The following GIT2 variants were observed in gnomAD, a reference collection of about 807,000 sequenced individuals.
The protein encoded by GIT2 is GIT ArfGAP 2, also known as ARF GTPase-activating protein GIT2.
In GIT2, 32 loss-of-function variants were observed where a neutral mutation model predicts 100.3. That is an observed-to-expected ratio of 0.32 (90% CI 0.24 to 0.43). The LOEUF is 0.43. Ranked by LOEUF, GIT2 falls within the 20% of genes least tolerant of loss-of-function variation. The pLI, the probability that GIT2 is intolerant of heterozygous loss-of-function variation, is 1.00. For missense variants in GIT2, 737 were observed against 975.1 expected (o/e 0.76, Z 3.25); for synonymous variants, 353 against 364.1 (o/e 0.97, Z 0.35).
Position 109,961,306 on chromosome 12 carries a change from T to C in GIT2, c.959A>G (p.Asn320Ser), listed in dbSNP as rs747309666. 6.2e-7 allele frequency: 1 copy of C among 1,612,710 alleles called. No individual in the cohort carries two copies. Among genetic ancestry groups the C allele is most frequent in the African/African-American group, 1.3e-5 (1 of 74,900 alleles). Reference sequence around the variant, plus strand: ...ATTTCGTGTTGATGAGTACTCAGGATTGACCGGAAGAAAGGGGACGACCGT... The same window carrying C: ...ATTTCGTGTTGATGAGTACTCAGGACTGACCGGAAGAAAGGGGACGACCGT... ...ETTVVPFLPVNPEYSSTRNQG... is the reference protein window; with the variant it reads ...ETTVVPFLPVSPEYSSTRNQG... The change falls in exon 11 of 20, where the codon AAT (asparagine) becomes AGT (serine). Residue 320 changes from asparagine (N) to serine (S), a missense_variant. Transcript: ENST00000355312.
chr12:109,944,270 C>T (rs576502848), intron 16 of GIT2, among the ~76,000 whole-genome samples: 3 of 152,352 alleles, frequency 2.0e-5, no homozygotes, highest in Admixed American at 1.3e-4. Flanking sequence ...TCCATAATTC[C>T]TAGGTGTGGA....
intron 7 of GIT2, 83 bp from the exon 8 acceptor site, chr12:109,967,586 C>G: frequency 1.0e-6 from 1 of 965,446 alleles, no homozygotes; most frequent in South Asian, 1.3e-5. Context: ...TTTCCTCAAA[C>G]TAAGTTTTGC....
intron 7 of GIT2, among the ~76,000 whole-genome samples, chr12:109,975,170 G>A (rs1467741329): frequency 6.6e-6 from 1 of 151,984 alleles, no homozygotes; most frequent in South Asian, 2.1e-4. Flanking sequence ...ATTTAAAATG[G>A]GTTTCTTGTA....
chr12:109,952,338 G>A (rs1228684855), intron 13 of GIT2, among the ~76,000 whole-genome samples: 2 of 152,096 alleles, frequency 1.3e-5, no homozygotes, highest in African/African-American at 4.8e-5. Context: ...ACACTCTGGT[G>A]CCGAGGTCTC....
chr12:109,959,115 T>C (rs1212856269), intron 12 of GIT2, among the ~76,000 whole-genome samples: 2 of 151,582 alleles, frequency 1.3e-5, no homozygotes, highest in African/African-American at 2.4e-5. Flanking sequence ...TCACTCAGGC[T>C]GGAGTGCAGT....
chr12:109,996,878 A>T (rs1889507237), upstream of GIT2, among the ~76,000 whole-genome samples: 1 of 151,746 alleles, frequency 6.6e-6, no homozygotes, highest in Non-Finnish European at 1.5e-5. Context: ...GGAGTTCGAG[A>T]CCAGCCTGGG....
At chr12:109,985,912 A>G (rs1887291382) in intron 4 of GIT2, among the ~76,000 whole-genome samples, 1 of 151,830 alleles carries the variant, frequency 6.6e-6, no homozygotes, top group South Asian at 2.1e-4. Flanking sequence ...CATGCCTGAG[A>G]TCTCAGCCAC....
chr12:109,957,429 C>T (rs182632797), intron 12 of GIT2, among the ~76,000 whole-genome samples: 1 of 152,218 alleles, frequency 6.6e-6, no homozygotes, highest in Non-Finnish European at 1.5e-5. Context: ...TTACGAACTA[C>T]CCAGTCTCAG....
intron 7 of GIT2, among the ~76,000 whole-genome samples, chr12:109,979,329 G>A (rs1221262981): frequency 1.4e-5 from 2 of 139,356 alleles, no homozygotes; most frequent in African/African-American, 2.7e-5. Context: ...AGGCTGGAGT[G>A]CAGTGGCGCA....
chr12:109,983,817 G>GTA, intron 4 of GIT2, 123 bp from the exon 5 acceptor site: 1 of 650,138 alleles, frequency 1.5e-6, no homozygotes, highest in Non-Finnish European at 2.7e-6. Context: ...ATTTGTCTCG[G>GTA]TAAAGTGCAT....
At chr12:109,943,405 G>A (rs1302856399) in intron 16 of GIT2, among the ~76,000 whole-genome samples, 1 of 151,856 alleles carries the variant, frequency 6.6e-6, no homozygotes, top group African/African-American at 2.4e-5. Context: ...TCGGCTTACT[G>A]CAACCTCCAC....
chr12:109,984,595 G>A (rs533781676), intron 4 of GIT2, among the ~76,000 whole-genome samples: 42 of 151,164 alleles, frequency 2.8e-4, no homozygotes, highest in African/African-American at 9.7e-4. Flanking sequence ...TACAGGCGCC[G>A]GCCACCATGC....
Position 109,951,356 on chromosome 12 carries a change from C to T in GIT2, c.1243-40G>A, listed in dbSNP as rs148788851. On this transcript the variant is annotated intron_variant, in intron 13 of 19. Coordinates refer to ENST00000355312, the MANE Select transcript of GIT2 (RefSeq NM_057169.5). The stretch of plus-strand genomic sequence containing the variant: ...GGAAAACGTTCACAATCTGAGATGA[C>T]GAGAACATTAAAGACTAACAGCTCA... 390 of 1,539,800 alleles carry T rather than the reference C, an allele frequency of 2.5e-4. 4 individuals are homozygous for T. The Middle Eastern group carries it at 0.011, about 42-fold the overall frequency.
rs552204508 is a variant in GIT2, at chr12:109,962,541, C to T, written c.817-856G>A. Among the ~76,000 whole-genome samples, 10 of 152,282 alleles carry T rather than the reference C, an allele frequency of 6.6e-5. No individual in the cohort carries two copies. In the South Asian group the frequency reaches 2.1e-3, roughly 32 times the overall value. ...CTGACTCTTCAGCACACAACAACCA[C>T]CTCACAGCCTGCAGTGCCTCCCTGG... On this transcript the variant is annotated intron_variant, in intron 9 of 19. Coordinates refer to ENST00000355312, the MANE Select transcript of GIT2 (RefSeq NM_057169.5). This position sits in a 1 kb window ranked among gnomAD's most constrained non-coding sequence, Gnocchi z 4.3.
chr12:109,952,980 C>A (rs2136291165), intron 13 of GIT2, 112 bp downstream of exon 13: 1 of 999,106 alleles, frequency 1.0e-6, no homozygotes, highest in South Asian at 1.6e-5. Context: ...CTTGTTTCAC[C>A]TTTGCTTGGC....
intron 6 of GIT2, chr12:109,983,101 T>C (rs1394228813): frequency 6.2e-6 from 2 of 320,168 alleles, no homozygotes; most frequent in Non-Finnish European, 1.1e-5. Context: ...TTCTTGATAC[T>C]TGATTTGGAA....
At chr12:109,957,016 CAA>C (rs569900190) in intron 12 of GIT2, among the ~76,000 whole-genome samples, 2 of 121,362 alleles carry the variant, frequency 1.6e-5, no homozygotes, top group African/African-American at 3.0e-5. Flanking sequence ...AGACTCGTCT[CAA>C]AAAAAAAAAA....
upstream of GIT2, chr12:109,999,801 G>T: frequency 2.0e-6 from 3 of 1,526,158 alleles, 1 homozygote; most frequent in Non-Finnish European, 2.6e-6. The surrounding 1 kb of genome is among the most constrained non-coding windows in gnomAD (Gnocchi z 4.3). Flanking sequence ...GGCGGGGCGG[G>T]GGTCCGTCTC....
At chr12:109,981,091 C>T (rs1886225973) in intron 6 of GIT2, 45 bp from the exon 7 acceptor site, 2 of 1,261,930 alleles carry the variant, frequency 1.6e-6, no homozygotes, top group Non-Finnish European at 1.2e-6. Context: ...TCACTATTCA[C>T]TGACTTTAAA....
Sources: allele counts gnomAD v4.1 joint callset (sites outside exome capture counted in the v4.1 genomes callset), GRCh38; gene constraint gnomAD v4.1.1; non-coding constraint Gnocchi (gnomAD v3.1); transcripts MANE v1.5; gene names NCBI Gene and HGNC (gene_info 2026-07-23, HGNC 2026-07-21).